The following FSIP1 variants were observed in gnomAD, a reference collection of about 807,000 sequenced individuals.
FSIP1 encodes fibrous sheath interacting protein 1, also known as fibrous sheath-interacting protein 1.
Under a neutral mutation model 60.9 loss-of-function variants are expected in FSIP1, and 65 were observed. That is an observed-to-expected ratio of 1.07 (90% confidence interval 0.87 to 1.31). FSIP1 has a LOEUF of 1.31. FSIP1 is among the 40% of genes most tolerant of loss of function. The pLI, the probability that FSIP1 is intolerant of heterozygous loss-of-function variation, is 0.00. For synonymous variants in FSIP1, 209 were observed against 221.2 expected (o/e 0.94, Z 0.49); for missense variants, 675 against 665.5 (o/e 1.01, Z -0.16).
intron 10 of FSIP1, among the ~76,000 whole-genome samples, chr15:39,708,937 T>G (rs1895386237): frequency 6.6e-6 from 1 of 152,324 alleles, no homozygotes. Flanking sequence ...CCTCATTCCA[T>G]TGTGTCTACT....
intron 5 of FSIP1, 39 bp from the exon 6 acceptor site, chr15:39,741,939 ATAAAT>A (rs758735259): frequency 1.2e-5 from 13 of 1,077,676 alleles, no homozygotes; most frequent in Non-Finnish European, 1.9e-5. Flanking sequence ...TGCTCACAAA[ATAAAT>A]TAAGTAGTTG....
intron 5 of FSIP1, among the ~76,000 whole-genome samples, chr15:39,760,824 G>C (rs902946258): frequency 6.6e-6 from 1 of 152,138 alleles, no homozygotes; most frequent in African/African-American, 2.4e-5. Flanking sequence ...TCTGAGTTTT[G>C]ATCACTATGG....
intron 10 of FSIP1, among the ~76,000 whole-genome samples, chr15:39,649,854 C>T (rs1400845238): frequency 1.3e-5 from 2 of 152,318 alleles, no homozygotes; most frequent in East Asian, 3.9e-4. Context: ...ATCCCGATTG[C>T]CTTCCATAGA....
intron 10 of FSIP1, among the ~76,000 whole-genome samples, chr15:39,673,580 C>T (rs983143213): frequency 2.6e-5 from 4 of 152,190 alleles, no homozygotes; most frequent in Non-Finnish European, 5.9e-5. Flanking sequence ...CCTCCCAAAG[C>T]ACTGGGATTA....
intron 5 of FSIP1, 58 bp downstream of exon 5, chr15:39,763,763 T>G: frequency 1.1e-6 from 1 of 882,948 alleles, no homozygotes; most frequent in South Asian, 1.4e-5. Flanking sequence ...TTTACTTTAA[T>G]CCAAATATTC....
At chr15:39,675,105 A>C (rs553376514) in intron 10 of FSIP1, among the ~76,000 whole-genome samples, 1 of 152,294 alleles carries the variant, frequency 6.6e-6, no homozygotes, top group African/African-American at 2.4e-5. Context: ...TGACCTCATT[A>C]GTGATCAGGG....
At chr15:39,635,946 A>G (rs1244311190) in intron 10 of FSIP1, among the ~76,000 whole-genome samples, 1 of 152,100 alleles carries the variant, frequency 6.6e-6, no homozygotes, top group Non-Finnish European at 1.5e-5. Context: ...TTTCCAATGA[A>G]GCCAGTTGGT....
At chr15:39,776,669 C>T in intron 1 of FSIP1, 138 bp from the exon 2 acceptor site, 2 of 711,026 alleles carry the variant, frequency 2.8e-6, no homozygotes, top group Non-Finnish European at 4.6e-6. Context: ...AAGGGTTCCC[C>T]AGCTTCACCA....
chr15:39,633,160 G>A (rs868215227), intron 10 of FSIP1, among the ~76,000 whole-genome samples: 21 of 145,132 alleles, frequency 1.4e-4, no homozygotes, highest in Middle Eastern at 3.9e-3. Flanking sequence ...GTGCGATCTC[G>A]GCTCACTACA....
In FSIP1 at chr15:39,694,263, T is replaced by C. The variant is rs144790198; in HGVS notation, c.1188+19181A>G. Among the ~76,000 whole-genome samples, 657 of 152,250 alleles carry C rather than the reference T, an allele frequency of 4.3e-3. 3 individuals carry two copies. Among genetic ancestry groups the C allele is most frequent in the Middle Eastern group, 0.014 (4 of 294 alleles). On this transcript the variant is annotated intron_variant, in intron 10 of 11. Transcript: ENST00000350221. ...AATCTAATTGCATTTACTAATTTACTATGAGTTATCACTAGGAATTCCCTA... is the reference window on the plus strand; with the variant it reads ...AATCTAATTGCATTTACTAATTTACCATGAGTTATCACTAGGAATTCCCTA...
In FSIP1 at chr15:39,722,765, T is replaced by TA. The variant is rs200641016; in HGVS notation, c.1050+3823dup. ...AGGCAACACAGTGAGACCACACCTC[T>TA]AAAAAAAATTAAAAAATTAGCTGGT... On this transcript the variant is annotated intron_variant, in intron 9 of 11. Transcript: ENST00000350221. Among the ~76,000 whole-genome samples the TA allele has an allele frequency of 9.1e-3, 1,383 of 151,894 alleles. 24 individuals carry two copies. Among genetic ancestry groups the TA allele is most frequent in the African/African-American group, 0.032 (1,324 of 41,390 alleles).
chr15:39,608,941 C>T (rs1464774812), intron 11 of FSIP1, among the ~76,000 whole-genome samples: 1 of 152,184 alleles, frequency 6.6e-6, no homozygotes, highest in East Asian at 1.9e-4. Context: ...CTCCCCCAAA[C>T]CCTGCCACAC....
chr15:39,723,220 C>T (rs1342100370), intron 9 of FSIP1, among the ~76,000 whole-genome samples: 1 of 152,142 alleles, frequency 6.6e-6, no homozygotes, highest in Non-Finnish European at 1.5e-5. Flanking sequence ...ATGCAAAAGT[C>T]AAATTTGAAG....
intron 2 of FSIP1, among the ~76,000 whole-genome samples, chr15:39,775,829 T>C (rs968212479): frequency 6.6e-6 from 1 of 152,164 alleles, no homozygotes; most frequent in African/African-American, 2.4e-5. Flanking sequence ...TGTGGAACCA[T>C]GCAAACCTCT....
chr15:39,623,758 G>A (rs1891533188), intron 10 of FSIP1, among the ~76,000 whole-genome samples: 1 of 152,146 alleles, frequency 6.6e-6, no homozygotes, highest in African/African-American at 2.4e-5. Flanking sequence ...AGTATAGACT[G>A]GCCTTTCAGA....
intron 11 of FSIP1, among the ~76,000 whole-genome samples, chr15:39,602,888 T>G (rs1007133614): frequency 2.0e-5 from 3 of 152,166 alleles, no homozygotes; most frequent in Admixed American, 6.5e-5. Context: ...ACTTAAAAAT[T>G]TTCATCAATA....
chr15:39,760,047 G>A (rs1278349037), intron 5 of FSIP1, among the ~76,000 whole-genome samples: 1 of 152,040 alleles, frequency 6.6e-6, no homozygotes, highest in Non-Finnish European at 1.5e-5. Context: ...ATTGACTAAG[G>A]ATGTCACTGC....
rs371211360 is a variant in FSIP1, at chr15:39,713,478, A to G, written c.1154T>C (p.Ile385Thr). 6.2e-7 allele frequency: 1 copy of G among 1,600,858 alleles called. No homozygotes were observed. The highest frequency in any genetic ancestry group is 1.4e-5 in the African/African-American group (1 of 74,060). The part of the protein sequence containing the change: ...QRDLHNRLRE[I>T]DEKLKMMKEN... ...CTTCATCATTTTCAGCTTTTCATCA[A>G]TCTCTCTCAGCCGATTATGCAGATC... Residue 385 changes from isoleucine to threonine, a missense_variant, in exon 10 of 12, where the codon ATT (isoleucine) becomes ACT (threonine). By Grantham distance (89) the Ile-to-Thr change is moderately conservative. Transcript: ENST00000350221.
chr15:39,759,212 T>C (rs950554456), intron 5 of FSIP1, among the ~76,000 whole-genome samples: 18 of 150,496 alleles, frequency 1.2e-4, no homozygotes, highest in African/African-American at 4.4e-4. Context: ...GTTAGAAAAA[T>C]GCTTATGGTG....
Sources: gnomAD v4.1 joint callset for allele counts (sites outside exome capture counted in the v4.1 genomes callset) on GRCh38, gnomAD v4.1.1 for gene constraint, MANE v1.5 for transcripts, NCBI Gene and HGNC (gene_info 2026-07-23, HGNC 2026-07-21) for gene names.